BCR: variants seen among roughly 807,000 people sequenced by gnomAD.
BCR encodes the protein BCR activator of RhoGEF and GTPase, also known as breakpoint cluster region protein.
BCR carries 58 observed loss-of-function variants against 138.6 expected under a neutral mutation model. That is an observed-to-expected ratio of 0.42 (90% CI 0.34 to 0.52). The LOEUF is 0.52. Among genes scored for constraint, BCR ranks in the 20% least tolerant of loss-of-function variants. BCR has a pLI of 0.06. For missense variants in BCR, 1,599 were observed against 1,727.2 expected (o/e 0.93, Z 1.32); for synonymous variants, 786 against 730.1 (o/e 1.08, Z -1.23).
intron 4 of BCR, chr22:23,263,184 GCCGCCTGC>G (rs2073390301): frequency 5.8e-6 from 5 of 865,424 alleles, no homozygotes; most frequent in East Asian, 2.7e-5. Flanking sequence ...TCGGGAGTCA[GCCGCCTGC>G]CCGGCTGCGG....
At chr22:23,203,155 C>G (rs530006898) in intron 1 of BCR, among the ~76,000 whole-genome samples, 4 of 152,290 alleles carry the variant, frequency 2.6e-5, no homozygotes, top group African/African-American at 9.6e-5. Flanking sequence ...AGCCACCATA[C>G]TTGGCCAAGT....
At chr22:23,192,195 G>A (rs1459487981) in intron 1 of BCR, among the ~76,000 whole-genome samples, 1 of 152,158 alleles carries the variant, frequency 6.6e-6, no homozygotes, top group Non-Finnish European at 1.5e-5. Flanking sequence ...GCTGGAGCAG[G>A]ATTATAATTA....
At chr22:23,259,956 C>T (rs1487756759) in intron 2 of BCR, among the ~76,000 whole-genome samples, 1 of 152,118 alleles carries the variant, frequency 6.6e-6, no homozygotes, top group African/African-American at 2.4e-5. Flanking sequence ...CCACAGCGCT[C>T]CAGCCTGAGC....
chr22:23,225,104 C>T (rs965512079), intron 1 of BCR, among the ~76,000 whole-genome samples: 10 of 151,816 alleles, frequency 6.6e-5, no homozygotes, highest in Admixed American at 1.3e-4. Flanking sequence ...GAGCTCCCCT[C>T]TGAGACTCAG....
At chr22:23,304,484 G>A (rs2073937059) in intron 16 of BCR, among the ~76,000 whole-genome samples, 1 of 152,006 alleles carries the variant, frequency 6.6e-6, no homozygotes, top group Non-Finnish European at 1.5e-5. Context: ...TTTACTATTT[G>A]ACAGACACTT....
At position 23,314,029 on chromosome 22, in the gene BCR, G is replaced by T; in HGVS notation, c.3519G>T (p.Glu1173Asp). 1 of 1,613,910 alleles carries T rather than the reference G, an allele frequency of 6.2e-7. No homozygotes were observed. Among genetic ancestry groups the T allele is most frequent in the Non-Finnish European group, 8.5e-7 (1 of 1,180,022 alleles). The stretch of plus-strand genomic sequence containing the variant: ...TCAACCTGCTGCTGTCCCTGCCGGA[G>T]GCCAACCTGCTCACCTTCCTTTTCC... ...CMLNLLLSLP[E>D]ANLLTFLFLL... The change falls in exon 21 of 23, where the codon GAG becomes GAT. Residue 1173 changes from glutamate to aspartate, a missense_variant. Glu to Asp is a conservative substitution (Grantham distance 45, BLOSUM62 2). This residue lies in a region of BCR where 177 missense variants were observed against 226.4 expected (regional missense o/e 0.78). Coordinates refer to ENST00000305877, the MANE Select transcript of BCR (RefSeq NM_004327.4).
At chr22:23,307,621 C>T (rs2073964022) in intron 16 of BCR, 1 of 151,750 alleles carries the variant, frequency 6.6e-6, no homozygotes, top group South Asian at 2.1e-4. Flanking sequence ...CTCTGACGAC[C>T]TTCAGGGCCA....
intron 1 of BCR, among the ~76,000 whole-genome samples, chr22:23,195,420 C>CAAAAAAA (rs529306820): frequency 1.1e-5 from 1 of 92,296 alleles, no homozygotes. Flanking sequence ...AACTCCGTCT[C>CAAAAAAA]AAAAAAAAAA....
intron 1 of BCR, among the ~76,000 whole-genome samples, chr22:23,217,491 G>A (rs1313214161): frequency 6.6e-6 from 1 of 152,218 alleles, no homozygotes; most frequent in East Asian, 1.9e-4. Flanking sequence ...AGGCCATGGG[G>A]GCATTGGTTG....
At chr22:23,218,424 AGGTAAAGCT>A (rs2072782026) in intron 1 of BCR, among the ~76,000 whole-genome samples, 1 of 152,232 alleles carries the variant, frequency 6.6e-6, no homozygotes, top group African/African-American at 2.4e-5. Context: ...TATGTAAGGC[AGGTAAAGCT>A]GGTGGAAGCT....
intron 2 of BCR, among the ~76,000 whole-genome samples, chr22:23,257,017 C>T (rs2073302244): frequency 6.6e-6 from 1 of 152,160 alleles, no homozygotes; most frequent in African/African-American, 2.4e-5. Context: ...AGCCTCCTTG[C>T]CTGCCTCCAT....
At chr22:23,250,877 C>T (rs762862133) in intron 1 of BCR, among the ~76,000 whole-genome samples, 4 of 152,126 alleles carry the variant, frequency 2.6e-5, no homozygotes, top group Non-Finnish European at 2.9e-5. Flanking sequence ...GCCTCAGTGA[C>T]CTGGACTAAC....
chr22:23,294,888 A>G, intron 15 of BCR, 136 bp from the exon 16 acceptor site: 3 of 1,133,932 alleles, frequency 2.6e-6, no homozygotes, highest in Non-Finnish European at 2.5e-6. Context: ...TCCCAGGACT[A>G]AGGGAGGAGG....
chr22:23,310,044 A>T (rs1282205941), intron 17 of BCR: 5 of 453,032 alleles, frequency 1.1e-5, no homozygotes, highest in Admixed American at 6.9e-5. Context: ...CCTGGGCAAC[A>T]TTGCAAGCTC....
rs370216103 is a variant in BCR at position 23,185,798 on chromosome 22, G to A, written c.1279+3559G>A. Among the ~76,000 whole-genome samples the A allele has an allele frequency of 4.7e-5, 7 of 150,470 alleles. No homozygotes were observed. The South Asian group carries it at 1.3e-3, about 28-fold the overall frequency. On this transcript the variant is annotated intron_variant, in intron 1 of 22. Coordinates refer to ENST00000305877, the MANE Select transcript of BCR (RefSeq NM_004327.4). The stretch of plus-strand genomic sequence containing the variant: ...GGCTGGAGTGCAGCCCAGCGATCTC[G>A]GCTCACTGCAAGCTCCGCCTCTCGG...
intron 1 of BCR, among the ~76,000 whole-genome samples, chr22:23,195,937 C>G (rs1409764126): frequency 6.6e-6 from 1 of 152,096 alleles, no homozygotes; most frequent in East Asian, 1.9e-4. Flanking sequence ...TTTTTAATAA[C>G]AGGTACAAAT....
chr22:23,292,416 A>C, intron 14 of BCR, 125 bp from the exon 15 acceptor site: 1 of 780,748 alleles, frequency 1.3e-6, no homozygotes, highest in East Asian at 2.8e-5. Flanking sequence ...TTTTAAAAAG[A>C]AAGTTACAAC....
chr22:23,226,334 G>A (rs2072894353), intron 1 of BCR, among the ~76,000 whole-genome samples: 1 of 150,958 alleles, frequency 6.6e-6, no homozygotes, highest in African/African-American at 2.5e-5. Flanking sequence ...GAGAGTGTGT[G>A]TGTGTGTGTG....
intron 2 of BCR, among the ~76,000 whole-genome samples, chr22:23,254,780 A>T (rs1264171768): frequency 6.6e-6 from 1 of 152,164 alleles, no homozygotes; most frequent in Non-Finnish European, 1.5e-5. Flanking sequence ...GGGCTGAGAA[A>T]ATCACTGCCC....
Sources: allele counts gnomAD v4.1 joint callset (sites outside exome capture counted in the v4.1 genomes callset), GRCh38; gene constraint gnomAD v4.1.1; regional missense constraint gnomAD v4.1.1; transcripts MANE v1.5; gene names NCBI Gene and HGNC (gene_info 2026-07-23, HGNC 2026-07-21).